ROS1: variants seen among roughly 807,000 people sequenced by gnomAD.
ROS1 encodes ROS proto-oncogene 1, receptor tyrosine kinase.
Under a neutral mutation model 273.5 loss-of-function variants are expected in ROS1, and 263 were observed. That is an observed-to-expected ratio of 0.96 (90% CI 0.87 to 1.06). ROS1 has a LOEUF of 1.06. Ranked by LOEUF, ROS1 falls within the 50% of genes least tolerant of loss-of-function variation. ROS1 has a pLI of 0.00. For synonymous variants in ROS1, 1,008 were observed against 954.1 expected (o/e 1.06, Z -1.04); for missense variants, 2,833 against 2,751.1 (o/e 1.03, Z -0.67).
chr6:117,387,800 A>T lies in ROS1; in HGVS notation c.1979T>A (p.Val660Glu). 1 of 1,614,132 alleles carries T rather than the reference A, an allele frequency of 6.2e-7. No individual in the cohort carries two copies. ...KRPGPWSEPS[V>E]GTTLVPASEP... ...CTCACCTGGCACCAGGGTAGTACCCACTGAGGGCTCTGACCAGGGGCCTGG... is the reference window on the plus strand; with the variant it reads ...CTCACCTGGCACCAGGGTAGTACCCTCTGAGGGCTCTGACCAGGGGCCTGG... The change falls in exon 14 of 44, where the codon GTG (valine) becomes GAG (glutamate). Residue 660 changes from valine to glutamate, a missense_variant. Coordinates refer to ENST00000368507, the MANE Select transcript of ROS1 (RefSeq NM_001378902.1).
At chr6:117,351,325 C>T (rs951145264) in intron 27 of ROS1, among the ~76,000 whole-genome samples, 3 of 152,056 alleles carry the variant, frequency 2.0e-5, no homozygotes, top group African/African-American at 7.2e-5. Flanking sequence ...TGATAAAACC[C>T]GAGCAGGTCC....
At position 117,379,162 on chromosome 6, in the gene ROS1, A is replaced by C; in HGVS notation, c.2482-3T>G. On this transcript the variant is annotated splice_region_variant and splice_polypyrimidine_tract_variant and intron_variant, in intron 17 of 43. Transcript: ENST00000368507. ...AGGTCTAAAGTTAGAGCAATTACCT[A>C]AGTAGAAAGTAAGGTAAGAAAATAA... 6.3e-7 allele frequency: 1 copy of C among 1,581,624 alleles called. No individual in the cohort carries two copies. The highest frequency in any genetic ancestry group is 8.7e-7 in the Non-Finnish European group (1 of 1,151,346).
chr6:117,384,930 A>G (rs1582808520), intron 16 of ROS1, among the ~76,000 whole-genome samples: 2 of 152,194 alleles, frequency 1.3e-5, no homozygotes, highest in Non-Finnish European at 1.5e-5. Flanking sequence ...CACAGTCCAT[A>G]TCAGCTACTC....
intron 42 of ROS1, among the ~76,000 whole-genome samples, chr6:117,302,169 G>A (rs1478590174): frequency 6.6e-6 from 1 of 152,142 alleles, no homozygotes; most frequent in Non-Finnish European, 1.5e-5. Flanking sequence ...TCCCTACCTA[G>A]CATAAGAAAA....
chr6:117,389,472 A>G lies in ROS1; in HGVS notation c.1664T>C (p.Val555Ala), dbSNP rs767083171. 3.7e-6 allele frequency: 6 copies of G among 1,614,058 alleles called. No individual in the cohort carries two copies. The highest frequency in any genetic ancestry group is 5.1e-6 in the Non-Finnish European group (6 of 1,180,044). Residue 555 changes from valine (V) to alanine (A), a missense_variant, in exon 13 of 44, where the codon GTC becomes GCC. Physicochemically the swap from Val to Ala is moderately conservative, Grantham distance 64. Coordinates refer to ENST00000368507, the MANE Select transcript of ROS1 (RefSeq NM_001378902.1). Reference sequence around the variant, plus strand: ...CAGCTGGGAGGATGAGCCAAAGATGACCAAGTTACCAAACCCAAATTCTTC... The same window carrying G: ...CAGCTGGGAGGATGAGCCAAAGATGGCCAAGTTACCAAACCCAAATTCTTC... ...HIEEFGFGNL[V>A]IFGSSSQLHP...
At position 117,389,539 on chromosome 6, in the gene ROS1, A is replaced by T. The variant is rs1772877142; in HGVS notation, c.1597T>A (p.Ser533Thr). ...GKVIFQQDALSFNEFIVGCDL... is the reference protein window; with the variant it reads ...GKVIFQQDALTFNEFIVGCDL... ...CATCCCACGATGAATTCATTAAAAGACAAAGCATCCTGTTGGAAAATGACC... is the reference window on the plus strand; with the variant it reads ...CATCCCACGATGAATTCATTAAAAGTCAAAGCATCCTGTTGGAAAATGACC... The change falls in exon 13 of 44, where the codon TCT (serine) becomes ACT (threonine). Residue 533 changes from serine to threonine, a missense_variant. By Grantham distance (58) the Ser-to-Thr change is moderately conservative. Coordinates refer to ENST00000368507, the MANE Select transcript of ROS1 (RefSeq NM_001378902.1). The T allele has an allele frequency of 4.3e-6, 7 of 1,614,230 alleles. No individual in the cohort carries two copies. Among genetic ancestry groups the T allele is most frequent in the Non-Finnish European group, 5.9e-6 (7 of 1,180,046 alleles).
Position 117,287,815 on chromosome 6 carries a change from G to A in ROS1, c.*677C>T, listed in dbSNP as rs1286559530. On this transcript the variant is annotated 3_prime_UTR_variant, in exon 44 of 44. Transcript: ENST00000368507. ...CACGCCTGTAATCCCAGCTACTTAG[G>A]AGGCTGAGGCACGAGAATTGCTTGA... 6.6e-6 allele frequency among the ~76,000 whole-genome samples: 1 copy of A among 151,694 alleles called. No individual in the cohort carries two copies. The highest frequency in any genetic ancestry group is 2.4e-5 in the African/African-American group (1 of 41,264).
chr6:117,304,750 T>C (rs1251868527), intron 42 of ROS1, among the ~76,000 whole-genome samples: 1 of 152,136 alleles, frequency 6.6e-6, no homozygotes, highest in East Asian at 1.9e-4. Flanking sequence ...TGGCCCTGCG[T>C]CCCCACCCAA....
chr6:117,298,183 G>A (rs1036501546), intron 43 of ROS1, among the ~76,000 whole-genome samples: 20 of 152,152 alleles, frequency 1.3e-4, no homozygotes, highest in African/African-American at 4.8e-4. Flanking sequence ...ATAGACTAGA[G>A]TATGAAATGA....
chr6:117,411,685 G>T (rs186605209), intron 4 of ROS1, among the ~76,000 whole-genome samples: 87 of 152,206 alleles, frequency 5.7e-4, no homozygotes, highest in Admixed American at 7.8e-4. Context: ...CTCGCCCACT[G>T]CCCTCCATAT....
intron 12 of ROS1, among the ~76,000 whole-genome samples, chr6:117,391,702 C>G (rs1454636380): frequency 1.3e-5 from 2 of 152,192 alleles, no homozygotes; most frequent in Non-Finnish European, 2.9e-5. Context: ...GGTTAGAAGA[C>G]AGGCCCTGGA....
At chr6:117,299,841 A>G (rs894068172) in intron 43 of ROS1, among the ~76,000 whole-genome samples, 1 of 152,160 alleles carries the variant, frequency 6.6e-6, no homozygotes, top group African/African-American at 2.4e-5. Context: ...GAATTAAGTG[A>G]CTACTGTATT....
chr6:117,352,905 G>T, intron 27 of ROS1, 85 bp downstream of exon 27: 2 of 1,259,894 alleles, frequency 1.6e-6, no homozygotes, highest in Non-Finnish European at 2.3e-6. Flanking sequence ...GGGGCTAAAG[G>T]GACAGCCTTG....
intron 42 of ROS1, among the ~76,000 whole-genome samples, chr6:117,308,335 T>C (rs958117860): frequency 6.6e-6 from 1 of 152,156 alleles, no homozygotes; most frequent in Non-Finnish European, 1.5e-5. Context: ...TACTATTTCT[T>C]ATTAGTCAAT....
chr6:117,347,790 T>C (rs564634777), intron 27 of ROS1, among the ~76,000 whole-genome samples: 87 of 152,216 alleles, frequency 5.7e-4, no homozygotes, highest in Admixed American at 7.2e-4. Context: ...GTGTTGAATT[T>C]TGTCAAAAGC....
rs902491761 is a variant in ROS1 at position 117,369,571 on chromosome 6, CA to C, written c.2583-3282del. 6.7e-4 allele frequency among the ~76,000 whole-genome samples: 95 copies of C among 142,336 alleles called. 1 individual carries two copies. The East Asian group carries it at 6.7e-3, about 10-fold the overall frequency. 93.4% of individuals were successfully genotyped at this position (142,336 alleles called of 152,430 possible). On this transcript the variant is annotated intron_variant, in intron 18 of 43. Coordinates refer to ENST00000368507, the MANE Select transcript of ROS1 (RefSeq NM_001378902.1). ...TGGGCGACAGAGCGAGACTCCATCT[CA>C]AAAAAAAAAAGAAACCAGCTCTCTG... is the stretch of plus-strand genomic sequence containing the variant.
At chr6:117,316,437 T>C (rs948419527) in intron 39 of ROS1, among the ~76,000 whole-genome samples, 1 of 125,324 alleles carries the variant, frequency 8.0e-6, no homozygotes, top group Non-Finnish European at 1.8e-5. Flanking sequence ...ATTTAAACTT[T>C]GCTGACTTGT....
rs2128549770 is a variant in ROS1, at chr6:117,311,037, C to G, written c.6198G>C (p.Arg2066=). The G allele has an allele frequency of 6.2e-7, 1 of 1,608,486 alleles. No homozygotes were observed. The highest frequency in any genetic ancestry group is 8.5e-7 in the Non-Finnish European group (1 of 1,176,468). Residue 2066 remains arginine (R), a synonymous_variant, in exon 40 of 44, where the codon CGG becomes CGC. Transcript: ENST00000368507. ...DISKGCVYLE[R]MHFIHRDLAA... ...AATTGTACCTGTGAATGAAATGCAT[C>G]CGTTCCAAGTAGACACAGCCTTTTG... is the stretch of plus-strand genomic sequence containing the variant.
chr6:117,323,005 A>G (rs1776385195), intron 35 of ROS1, among the ~76,000 whole-genome samples: 1 of 152,204 alleles, frequency 6.6e-6, no homozygotes, highest in Admixed American at 6.5e-5. Flanking sequence ...AGGATTCTTC[A>G]TGTAATTCTC....
Sources: gnomAD v4.1 joint callset for allele counts (sites outside exome capture counted in the v4.1 genomes callset) on GRCh38, gnomAD v4.1.1 for gene constraint, MANE v1.5 for transcripts, NCBI Gene and HGNC (gene_info 2026-07-23, HGNC 2026-07-21) for gene names.